SIGLECL1: variants seen among roughly 807,000 people sequenced by gnomAD.
SIGLECL1 encodes the protein SIGLEC family like 1.
Under a neutral mutation model 19.1 loss-of-function variants are expected in SIGLECL1, and 16 were observed. That is an observed-to-expected ratio of 0.84 (90% CI 0.57 to 1.27). SIGLECL1 has a LOEUF of 1.27. Ranked by LOEUF, SIGLECL1 falls within the 50% of genes most tolerant of loss-of-function variation. The pLI is 0.00. For synonymous variants in SIGLECL1, 89 were observed against 90.4 expected, an observed-to-expected ratio of 0.98 and a Z score of 0.09; for missense variants, 210 against 239.4, an observed-to-expected ratio of 0.88 and a Z score of 0.81.
intron 1 of SIGLECL1, among the ~76,000 whole-genome samples, chr19:51,258,241 G>A (rs1320514718): frequency 6.6e-6 from 1 of 152,168 alleles, no homozygotes; most frequent in Non-Finnish European, 1.5e-5. Flanking sequence ...TGTCAGAAAT[G>A]AGGGGATCTT....
At position 51,251,740 on chromosome 19, in the gene SIGLECL1, T is replaced by C. The variant is rs138307147; in HGVS notation, c.-191+195T>C. Among the ~76,000 whole-genome samples, 4 of 152,310 alleles carry C rather than the reference T, an allele frequency of 2.6e-5. No homozygotes were observed. In the East Asian group the frequency reaches 7.7e-4, roughly 29 times the overall value. ...AGGCACCCAGTCATTACTCACACAG[T>C]TATCCCATGTGTGTCTATCAGTTTC... is the stretch of plus-strand genomic sequence containing the variant. On this transcript the variant is annotated intron_variant, in intron 1 of 5. Transcript: ENST00000601727.
chr19:51,260,065 A>C (rs1340524697), intron 1 of SIGLECL1, among the ~76,000 whole-genome samples: 1 of 152,236 alleles, frequency 6.6e-6, no homozygotes, highest in Non-Finnish European at 1.5e-5. Context: ...CCATATGGTC[A>C]GGCAGATGGG....
intron 1 of SIGLECL1, among the ~76,000 whole-genome samples, chr19:51,259,438 A>G (rs902049167): frequency 6.6e-6 from 1 of 152,206 alleles, no homozygotes; most frequent in Non-Finnish European, 1.5e-5. Flanking sequence ...CCAAGCCCAC[A>G]CTAATTGTTA....
chr19:51,267,496 C>T lies in SIGLECL1; in HGVS notation c.534C>T (p.Pro178=), dbSNP rs761206565. 21 of 1,614,034 alleles carry T rather than the reference C, an allele frequency of 1.3e-5. No individual in the cohort carries two copies. Among genetic ancestry groups the T allele is most frequent in the Admixed American group, 5.0e-5 (3 of 60,000 alleles). Residue 178 remains proline (P), a synonymous_variant, in exon 5 of 6, where the codon CCC becomes CCT. Coordinates refer to ENST00000601727, the MANE Select transcript of SIGLECL1 (RefSeq NM_001385465.1). ...MSLKPEEPGK[P]VVATFSESRI... ...TGAAGCCTGAGGAACCAGGAAAACC[C>T]GTAGTCGCCACATTTTCTGAGAGCC...
chr19:51,266,027 C>G, intron 4 of SIGLECL1, 145 bp downstream of exon 4: 1 of 750,830 alleles, frequency 1.3e-6, no homozygotes, highest in Non-Finnish European at 2.2e-6. Context: ...AACATGGTCA[C>G]CACAATCCAG....
At chr19:51,247,496 G>A (rs1330415823), upstream of SIGLECL1, among the ~76,000 whole-genome samples, 1 of 151,516 alleles carries the variant, frequency 6.6e-6, no homozygotes, top group Non-Finnish European at 1.5e-5. Flanking sequence ...TTGGCTCACT[G>A]CAACCTCCAC....
At chr19:51,265,959 C>A in intron 4 of SIGLECL1, 77 bp downstream of exon 4, 1 of 1,428,152 alleles carries the variant, frequency 7.0e-7, no homozygotes, top group South Asian at 1.2e-5. Flanking sequence ...ACAGAGAGAG[C>A]AAAGACAGGA....
upstream of SIGLECL1, among the ~76,000 whole-genome samples, chr19:51,249,179 C>T (rs1982357813): frequency 6.6e-6 from 1 of 152,056 alleles, no homozygotes. Flanking sequence ...AAAGGCTTCT[C>T]AGAGGAAGCC....
At chr19:51,264,211 A>G (rs1312107806) in intron 2 of SIGLECL1, 117 bp downstream of exon 2, 3 of 1,154,718 alleles carry the variant, frequency 2.6e-6, no homozygotes, top group Admixed American at 4.3e-5. Flanking sequence ...ACATATGGGC[A>G]TAAGTACCAA....
chr19:51,256,627 T>C (rs1215464401), intron 1 of SIGLECL1, among the ~76,000 whole-genome samples: 1 of 152,210 alleles, frequency 6.6e-6, no homozygotes, highest in African/African-American at 2.4e-5. Context: ...AACACTGTAC[T>C]GTATACTTGA....
At chr19:51,249,491 G>A (rs1416602666), upstream of SIGLECL1, among the ~76,000 whole-genome samples, 1 of 151,832 alleles carries the variant, frequency 6.6e-6, no homozygotes, top group African/African-American at 2.4e-5. Flanking sequence ...ACATAAATAA[G>A]GCAAGATTTT....
intron 1 of SIGLECL1, among the ~76,000 whole-genome samples, chr19:51,255,463 T>C (rs550917573): frequency 1.3e-5 from 2 of 152,250 alleles, no homozygotes; most frequent in African/African-American, 4.8e-5. Context: ...AAGTAGTTTC[T>C]GAACAGCAAA....
chr19:51,246,885 T>G (rs1292292472), upstream of SIGLECL1, among the ~76,000 whole-genome samples: 2 of 152,124 alleles, frequency 1.3e-5, no homozygotes, highest in East Asian at 3.9e-4. Context: ...TTTAAATAAA[T>G]TTACTGAGGC....
At chr19:51,249,397 C>G (rs1982365674), upstream of SIGLECL1, among the ~76,000 whole-genome samples, 1 of 151,942 alleles carries the variant, frequency 6.6e-6, no homozygotes, top group Admixed American at 6.6e-5. Context: ...GGGGCCTGCT[C>G]TGCAAGCTGT....
intron 1 of SIGLECL1, among the ~76,000 whole-genome samples, chr19:51,260,915 C>T (rs553727908): frequency 6.6e-6 from 1 of 152,194 alleles, no homozygotes; most frequent in East Asian, 1.9e-4. Context: ...GCAGTATTCT[C>T]TATATATTTT....
At position 51,256,476 on chromosome 19, in the gene SIGLECL1, A is replaced by G. The variant is rs887534574; in HGVS notation, c.-191+4931A>G. Among the ~76,000 whole-genome samples the G allele has an allele frequency of 5.3e-5, 8 of 152,364 alleles. No individual in the cohort carries two copies. In the South Asian group the frequency reaches 1.2e-3, roughly 24 times the overall value. ...TGTAGAATCTAAGAAAGTCAAACGC[A>G]TGGAAGCAAAGTATAGAATGGTGGT... is the stretch of plus-strand genomic sequence containing the variant. On this transcript the variant is annotated intron_variant, in intron 1 of 5. Coordinates refer to ENST00000601727, the MANE Select transcript of SIGLECL1 (RefSeq NM_001385465.1).
chr19:51,252,296 CAAAA>C (rs71979736), intron 1 of SIGLECL1, among the ~76,000 whole-genome samples: 1 of 109,908 alleles, frequency 9.1e-6, no homozygotes, highest in African/African-American at 3.2e-5. Context: ...GACTCTGTCT[CAAAA>C]AAAAAAAAAG....
In SIGLECL1 at chr19:51,265,486, T is replaced by G. The variant is rs749097089; in HGVS notation, c.141T>G (p.Gly47=). 1 of 1,613,912 alleles carries G rather than the reference T, an allele frequency of 6.2e-7. No homozygotes were observed. The highest frequency in any genetic ancestry group is 8.5e-7 in the Non-Finnish European group (1 of 1,179,964). ...VQWWMGGVPV[G]VDGMDGSLQV... ...GGTGGATGGGAGGAGTCCCCGTGGG[T>G]GTGGATGGCATGGATGGCAGCCTCC... is the stretch of plus-strand genomic sequence containing the variant. The change falls in exon 3 of 6, where the codon GGT becomes GGG. Residue 47 remains glycine (G), a synonymous_variant. Coordinates refer to ENST00000601727, the MANE Select transcript of SIGLECL1 (RefSeq NM_001385465.1).
rs1983561766 is a variant in SIGLECL1, at chr19:51,265,365, C to T, written c.23-3C>T. On this transcript the variant is annotated splice_region_variant and splice_polypyrimidine_tract_variant and intron_variant, in intron 2 of 5. Coordinates refer to ENST00000601727, the MANE Select transcript of SIGLECL1 (RefSeq NM_001385465.1). The stretch of plus-strand genomic sequence containing the variant: ...GCTGACTCCTGACCCTTCCTCCCCA[C>T]AGTACCTGCTAAGCTGCTCAACTCC... 4 of 1,599,926 alleles carry T rather than the reference C, an allele frequency of 2.5e-6. No individual in the cohort carries two copies. The highest frequency in any genetic ancestry group is 3.4e-6 in the Non-Finnish European group (4 of 1,169,200).
Sources: allele counts gnomAD v4.1 joint callset (sites outside exome capture counted in the v4.1 genomes callset), GRCh38; gene constraint gnomAD v4.1.1; transcripts MANE v1.5; gene names NCBI Gene and HGNC (gene_info 2026-07-23, HGNC 2026-07-21).